Variants in WIPF3 observed in about 807,000 individuals in gnomAD.
WIPF3 encodes WAS/WASL-interacting protein family member 3.
WIPF3 carries 33 observed loss-of-function variants against 38.9 expected under a neutral mutation model. The ratio of observed to expected loss-of-function variants is 0.85; its 90% CI spans 0.64 to 1.14. The LOEUF is 1.14. Ranked by LOEUF, WIPF3 falls within the 50% of genes most tolerant of loss-of-function variation. The pLI is 0.00. For synonymous variants in WIPF3, 324 were observed against 269.3 expected (o/e 1.20, Z -1.99); for missense variants, 711 against 652.5 (o/e 1.09, Z -0.98).
intron 2 of WIPF3, among the ~76,000 whole-genome samples, chr7:29,841,514 T>C (rs890934921): frequency 1.3e-5 from 2 of 152,184 alleles, no homozygotes; most frequent in South Asian, 2.1e-4. Flanking sequence ...GTCTGATCTC[T>C]TTAAAATTCA....
chr7:29,822,123 G>GTTTTTTTTTTTTTTTTT, intron 1 of WIPF3, among the ~76,000 whole-genome samples: 19 of 62,818 alleles, frequency 3.0e-4, no homozygotes, highest in East Asian at 4.5e-4. Flanking sequence ...TTTTTTCTTA[G>GTTTTTTTTTTTTTTTTT]TTTTTTTTTT....
intron 2 of WIPF3, among the ~76,000 whole-genome samples, chr7:29,873,906 A>G (rs970559676): frequency 1.3e-5 from 2 of 152,226 alleles, no homozygotes; most frequent in Non-Finnish European, 2.9e-5. Flanking sequence ...CAGAGAGCCC[A>G]TGAGTTTCTA....
At chr7:29,903,435 G>C (rs1786327504) in intron 7 of WIPF3, among the ~76,000 whole-genome samples, 1 of 151,956 alleles carries the variant, frequency 6.6e-6, no homozygotes, top group Non-Finnish European at 1.5e-5. Context: ...AGTCTATAAT[G>C]AACATTCATG....
At chr7:29,819,478 T>TA (rs1784505267) in intron 1 of WIPF3, among the ~76,000 whole-genome samples, 1 of 152,102 alleles carries the variant, frequency 6.6e-6, no homozygotes, top group African/African-American at 2.4e-5. Flanking sequence ...ACTAAGCTTT[T>TA]AGATATATTC....
At chr7:29,810,722 T>C (rs569642395) in intron 1 of WIPF3, among the ~76,000 whole-genome samples, 152 of 152,350 alleles carry the variant, frequency 1.0e-3, no homozygotes, top group Middle Eastern at 3.4e-3. Context: ...GTATAACTTA[T>C]GTAAGTCAGA....
At chr7:29,870,820 G>A (rs1378128484) in intron 2 of WIPF3, among the ~76,000 whole-genome samples, 1 of 152,076 alleles carries the variant, frequency 6.6e-6, no homozygotes. Flanking sequence ...AGCTGGGCGT[G>A]GTGGTGTGCA....
At chr7:29,870,778 G>A (rs778186068) in intron 2 of WIPF3, among the ~76,000 whole-genome samples, 1 of 152,054 alleles carries the variant, frequency 6.6e-6, no homozygotes, top group Non-Finnish European at 1.5e-5. Context: ...CCAACATGGC[G>A]AAACCCCATC....
chr7:29,892,508 T>C (rs1312703186), intron 7 of WIPF3, among the ~76,000 whole-genome samples: 1 of 152,212 alleles, frequency 6.6e-6, no homozygotes, highest in Non-Finnish European at 1.5e-5. Context: ...GACCCTGCAG[T>C]GGATGCTGTG....
In WIPF3 at chr7:29,900,322, T is replaced by C. The variant is rs1024318940; in HGVS notation, c.1352-3964T>C. ...TTCTTTACTAATTAGTTCAAGTTTTTATAATACATGTGCATTGCTCTTAAC... is the reference window on the plus strand; with the variant it reads ...TTCTTTACTAATTAGTTCAAGTTTTCATAATACATGTGCATTGCTCTTAAC... On this transcript the variant is annotated intron_variant, in intron 7 of 8. Transcript: ENST00000242140. Among the ~76,000 whole-genome samples, 45 of 152,222 alleles carry C rather than the reference T, an allele frequency of 3.0e-4. 1 individual carries two copies. Among genetic ancestry groups the C allele is most frequent in the Middle Eastern group, 3.2e-3 (1 of 316 alleles).
rs116340963 is a variant in WIPF3 at position 29,854,602 on chromosome 7, T to C, written c.90+19788T>C. On this transcript the variant is annotated intron_variant, in intron 2 of 8. Transcript: ENST00000242140. The stretch of plus-strand genomic sequence containing the variant: ...TGTACAGACTCCCCTGCAGCAGAAG[T>C]GACCTGGGCCAGGTCGCTTGTTCAC... Among the ~76,000 whole-genome samples, 784 of 152,306 alleles carry C rather than the reference T, an allele frequency of 5.1e-3. 6 individuals carry two copies. Among genetic ancestry groups the C allele is most frequent in the African/African-American group, 0.018 (752 of 41,580 alleles).
intron 7 of WIPF3, among the ~76,000 whole-genome samples, chr7:29,893,041 G>A (rs954497135): frequency 2.0e-5 from 3 of 152,000 alleles, no homozygotes; most frequent in African/African-American, 7.3e-5. Flanking sequence ...ATCCAGCCTG[G>A]GTGACAAGAG....
Position 29,884,169 on chromosome 7 carries a change from T to TCCACCTCCGCCACCTCCC in WIPF3, c.679_696dup (p.Pro227_Pro232dup). 8.2e-7 allele frequency: 1 copy of TCCACCTCCGCCACCTCCC among 1,221,252 alleles called. No individual in the cohort carries two copies. The highest frequency in any genetic ancestry group is 1.7e-5 in the South Asian group (1 of 59,904). The allele number at this position is 1,221,252 out of a possible 1,614,324, so 75.7% of individuals were successfully genotyped here. A position where few individuals can be genotyped will look rare whatever the true frequency, so the allele number is the denominator to read the frequency against. The stretch of plus-strand genomic sequence containing the variant: ...CCCCCGTCCCCTGTGCGCCACCACC[T>TCCACCTCCGCCACCTCCC]CCACCTCCGCCACCTCCCCCAACGC... On this transcript the variant is annotated inframe_insertion, in exon 5 of 9. Coordinates refer to ENST00000242140, the MANE Select transcript of WIPF3 (RefSeq NM_001080529.3).
Position 29,878,938 on chromosome 7 carries a change from T to C in WIPF3, c.224-71T>C. The C allele has an allele frequency of 1.3e-6, 2 of 1,520,830 alleles. No individual in the cohort carries two copies. Among genetic ancestry groups the C allele is most frequent in the Non-Finnish European group, 1.8e-6 (2 of 1,120,808 alleles). The allele number at this position is 1,520,830 out of a possible 1,614,324, so 94.2% of individuals were successfully genotyped here. The stretch of plus-strand genomic sequence containing the variant: ...GCAGTGGTAGACCAGTGTTAGACCA[T>C]GGTCTGAAATGAGACCTGGCTGCTC... On this transcript the variant is annotated intron_variant, in intron 3 of 8. Transcript: ENST00000242140. The surrounding 1 kb of genome is among the most constrained non-coding windows in gnomAD (Gnocchi z 4.0).
At chr7:29,893,343 G>T (rs1312048826) in intron 7 of WIPF3, among the ~76,000 whole-genome samples, 1 of 152,162 alleles carries the variant, frequency 6.6e-6, no homozygotes, top group Admixed American at 6.5e-5. Flanking sequence ...GGAGCGCAGG[G>T]TATACAGGTC....
intron 2 of WIPF3, among the ~76,000 whole-genome samples, chr7:29,857,968 T>G (rs1177720155): frequency 6.6e-6 from 1 of 152,220 alleles, no homozygotes; most frequent in African/African-American, 2.4e-5. Context: ...AACCTATTGT[T>G]ACTCAAAATG....
rs572323909 is a variant in WIPF3 at position 29,884,529 on chromosome 7, G to A, written c.1035G>A (p.Leu345=). Residue 345 remains leucine (L), a synonymous_variant, in exon 5 of 9, where the codon TTG becomes TTA. Coordinates refer to ENST00000242140, the MANE Select transcript of WIPF3 (RefSeq NM_001080529.3). ...CGCAGAAGGCCGGTGCGCAGGCCTT[G>A]CCCGCCCCGCCTGCCCCTCCGGGCT... The part of the protein sequence containing the change: ...APPQKAGAQA[L]PAPPAPPGSQ... 8.2e-6 allele frequency: 13 copies of A among 1,582,906 alleles called. No homozygotes were observed. The highest frequency in any genetic ancestry group is 6.9e-5 in the East Asian group (3 of 43,178).
chr7:29,834,419 A>T (rs1784766659), intron 1 of WIPF3, among the ~76,000 whole-genome samples: 1 of 152,152 alleles, frequency 6.6e-6, no homozygotes, highest in Non-Finnish European at 1.5e-5. Context: ...CTGAGACACA[A>T]ATAGCTAAAT....
intron 7 of WIPF3, among the ~76,000 whole-genome samples, chr7:29,890,333 C>G (rs1443568835): frequency 2.9e-5 from 4 of 139,280 alleles, no homozygotes; most frequent in South Asian, 2.3e-4. Context: ...GCATTGATGA[C>G]AGAGTGAGAC....
At chr7:29,882,481 C>T (rs1310119168) in intron 4 of WIPF3, among the ~76,000 whole-genome samples, 1 of 152,218 alleles carries the variant, frequency 6.6e-6, no homozygotes, top group Non-Finnish European at 1.5e-5. Flanking sequence ...ATATTATGGT[C>T]TAGGTGACTG....
Sources: gnomAD v4.1 joint callset for allele counts (sites outside exome capture counted in the v4.1 genomes callset) on GRCh38, gnomAD v4.1.1 for gene constraint, Gnocchi (gnomAD v3.1) non-coding constraint, MANE v1.5 for transcripts, NCBI Gene and HGNC (gene_info 2026-07-23, HGNC 2026-07-21) for gene names.